ATXN1: variants seen among roughly 807,000 people sequenced by gnomAD.
ATXN1 encodes ataxin 1, also known as ataxin-1.
Under a neutral mutation model 56.4 loss-of-function variants are expected in ATXN1, and 8 were observed. The observed-to-expected ratio is 0.14, with a 90% confidence interval of 0.08 to 0.26. ATXN1 has a LOEUF of 0.26. ATXN1 is among the 10% of genes least tolerant of loss of function. ATXN1 has a pLI of 1.00. For missense variants in ATXN1, 987 were observed against 1,106.5 expected, an observed-to-expected ratio of 0.89 and a Z score of 1.53; for synonymous variants, 514 against 494.6, an observed-to-expected ratio of 1.04 and a Z score of -0.52.
intron 6 of ATXN1, among the ~76,000 whole-genome samples, chr6:16,361,000 A>C (rs1761796152): frequency 6.6e-6 from 1 of 152,240 alleles, no homozygotes; most frequent in South Asian, 2.1e-4. Flanking sequence ...TCCCAAGGAC[A>C]AGATGTAGCT....
At chr6:16,526,487 G>A (rs1377926750) in intron 4 of ATXN1, among the ~76,000 whole-genome samples, 7 of 152,268 alleles carry the variant, frequency 4.6e-5, no homozygotes, top group South Asian at 4.1e-4. Flanking sequence ...GTAGGTGGCC[G>A]GACGCGGTGG....
rs1382745618 is a variant in ATXN1, at chr6:16,634,595, G to A, written c.-489+23181C>T. Among the ~76,000 whole-genome samples, 7 of 151,904 alleles carry A rather than the reference G, an allele frequency of 4.6e-5. No individual in the cohort carries two copies. In the South Asian group the frequency reaches 1.2e-3, roughly 27 times the overall value. ...CACTCTGCATTCCTCTCCCACCTCC[G>A]GCCTCTGCAACCCCCAAACTAACTT... On this transcript the variant is annotated intron_variant, in intron 3 of 7. Coordinates refer to ENST00000436367, the MANE Select transcript of ATXN1 (RefSeq NM_001128164.2).
chr6:16,684,925 C>A (rs958783921), intron 2 of ATXN1, among the ~76,000 whole-genome samples: 1 of 151,274 alleles, frequency 6.6e-6, no homozygotes, highest in South Asian at 2.1e-4. Flanking sequence ...AGAGACTTCA[C>A]GGGAAACAAA....
intron 3 of ATXN1, chr6:16,615,238 C>A (rs1370885034): frequency 6.8e-6 from 1 of 148,120 alleles, no homozygotes; most frequent in African/African-American, 2.5e-5. Context: ...TGGAAATTTC[C>A]GAAGCTGCTA....
chr6:16,633,308 TTTAA>T (rs1459417378), intron 3 of ATXN1, among the ~76,000 whole-genome samples: 1 of 152,196 alleles, frequency 6.6e-6, no homozygotes, highest in African/African-American at 2.4e-5. Flanking sequence ...TAATTAATTA[TTTAA>T]TTAATTCGGC....
At chr6:16,477,380 C>T (rs1252100020) in intron 6 of ATXN1, among the ~76,000 whole-genome samples, 1 of 152,154 alleles carries the variant, frequency 6.6e-6, no homozygotes, top group Non-Finnish European at 1.5e-5. Context: ...GGATCCAAAT[C>T]GGAAAATGGC....
In ATXN1 at chr6:16,730,489, A is replaced by G. The variant is rs62388009; in HGVS notation, c.-615+22744T>C. ...GGAGTTAAAGGGTAAAACAGTATGT[A>G]TATATATATATATATATAAATGTAT... On this transcript the variant is annotated intron_variant, in intron 2 of 7. Transcript: ENST00000436367. 8.2e-3 allele frequency among the ~76,000 whole-genome samples: 711 copies of G among 87,092 alleles called. 12 individuals are homozygous for G. The highest frequency in any genetic ancestry group is 0.012 in the Middle Eastern group (2 of 164). The allele number at this position is 87,092 out of a possible 152,430, so 57.1% of individuals were successfully genotyped here.
chr6:16,759,149 T>TA (rs1760980129), intron 1 of ATXN1, among the ~76,000 whole-genome samples: 1 of 152,220 alleles, frequency 6.6e-6, no homozygotes, highest in South Asian at 2.1e-4. Context: ...ACCAAGTAAC[T>TA]ACCCACTGCT....
intron 6 of ATXN1, among the ~76,000 whole-genome samples, chr6:16,384,487 T>C (rs138374028): frequency 5.3e-5 from 8 of 152,322 alleles, no homozygotes; most frequent in African/African-American, 1.4e-4. Flanking sequence ...ATCAGACATA[T>C]AAAACAGAAG....
intron 6 of ATXN1, among the ~76,000 whole-genome samples, chr6:16,452,966 C>T (rs1759782804): frequency 6.6e-6 from 1 of 152,160 alleles, no homozygotes; most frequent in Admixed American, 6.5e-5. Flanking sequence ...CTCCTTTAAG[C>T]ATTATTAAAC....
chr6:16,537,427 G>A (rs1309977121), intron 4 of ATXN1, among the ~76,000 whole-genome samples: 6 of 151,984 alleles, frequency 3.9e-5, no homozygotes, highest in Non-Finnish European at 8.8e-5. Context: ...TGTTCTGGCC[G>A]GGCGCGGTGG....
chr6:16,400,648 G>A (rs1213059897), intron 6 of ATXN1, among the ~76,000 whole-genome samples: 2 of 152,200 alleles, frequency 1.3e-5, no homozygotes, highest in African/African-American at 4.8e-5. Flanking sequence ...ACATTCATTT[G>A]TTAATCCAAT....
chr6:16,329,564 T>C (rs1174563126), intron 6 of ATXN1, among the ~76,000 whole-genome samples: 2 of 152,176 alleles, frequency 1.3e-5, no homozygotes, highest in Non-Finnish European at 2.9e-5. Context: ...CCAAATACCA[T>C]ACAAAAATAG....
intron 6 of ATXN1, among the ~76,000 whole-genome samples, chr6:16,372,339 G>A (rs1044363423): frequency 2.0e-5 from 3 of 152,122 alleles, no homozygotes; most frequent in Non-Finnish European, 2.9e-5. Context: ...AGAGGAAGGA[G>A]AGAATGGAAA....
In ATXN1 at chr6:16,328,191, C is replaced by A; in HGVS notation, c.120G>T (p.Val40=). The A allele has an allele frequency of 6.3e-7, 1 of 1,597,314 alleles. No individual in the cohort carries two copies. Among genetic ancestry groups the A allele is most frequent in the Non-Finnish European group, 8.6e-7 (1 of 1,169,170 alleles). The change falls in exon 7 of 8, where the codon GTG becomes GTT. Residue 40 remains valine, a synonymous_variant. Coordinates refer to ENST00000436367, the MANE Select transcript of ATXN1 (RefSeq NM_001128164.2). The surrounding 1 kb of genome is among the most constrained non-coding windows in gnomAD (Gnocchi z 6.2). ...TGCCCGGGAGCCATGCTGTGCCCTC[C>A]ACCCGGTGGTTGTCGCTGGGCAGGG... The part of the protein sequence containing the change: ...APTLPSDNHR[V]EGTAWLPGNP...
intron 3 of ATXN1, among the ~76,000 whole-genome samples, chr6:16,626,320 C>G (rs1218366762): frequency 1.3e-5 from 2 of 152,282 alleles, no homozygotes; most frequent in Non-Finnish European, 2.9e-5. Context: ...GGGTCTTCCT[C>G]TGTTGCCCAG....
At chr6:16,608,637 G>A (rs552394843) in intron 3 of ATXN1, among the ~76,000 whole-genome samples, 1 of 152,240 alleles carries the variant, frequency 6.6e-6, no homozygotes, top group African/African-American at 2.4e-5. Context: ...GGGTGAATTG[G>A]GCACCACTCT....
intron 3 of ATXN1, among the ~76,000 whole-genome samples, chr6:16,631,115 CT>C (rs1250866800): frequency 6.6e-6 from 1 of 152,162 alleles, no homozygotes; most frequent in Non-Finnish European, 1.5e-5. Context: ...TGCAGCAGTC[CT>C]GTGAGGCAGG....
chr6:16,478,841 T>C (rs546284083), intron 6 of ATXN1, among the ~76,000 whole-genome samples: 4 of 152,286 alleles, frequency 2.6e-5, no homozygotes, highest in African/African-American at 9.6e-5. Flanking sequence ...CATTTTTATT[T>C]CCAGATGCAC....
Sources: gnomAD v4.1 joint callset for allele counts (sites outside exome capture counted in the v4.1 genomes callset) on GRCh38, gnomAD v4.1.1 for gene constraint, Gnocchi (gnomAD v3.1) non-coding constraint, MANE v1.5 for transcripts, NCBI Gene and HGNC (gene_info 2026-07-23, HGNC 2026-07-21) for gene names.